Variants in CLCN3 observed in about 807,000 individuals in gnomAD.
CLCN3 encodes the protein Cl-/H+ antiporter 3.
CLCN3 carries 16 observed loss-of-function variants against 83.4 expected under a neutral mutation model. That is an observed-to-expected ratio of 0.19 (90% confidence interval 0.13 to 0.29). CLCN3 has a LOEUF of 0.29. CLCN3 is among the 10% of genes least tolerant of loss of function. The pLI is 1.00. For missense variants in CLCN3, 544 were observed against 1,006.0 expected, an observed-to-expected ratio of 0.54 and a Z score of 6.21; for synonymous variants, 322 against 346.2, an observed-to-expected ratio of 0.93 and a Z score of 0.78.
chr4:169,629,345 TA>T (rs1560825622), intron 1 of CLCN3, among the ~76,000 whole-genome samples: 1 of 152,280 alleles, frequency 6.6e-6, no homozygotes, highest in Admixed American at 6.5e-5. Flanking sequence ...AAAATTTAAT[TA>T]AAAAAATTGA....
chr4:169,704,738 C>A (rs1211556186), intron 10 of CLCN3, among the ~76,000 whole-genome samples: 1 of 152,122 alleles, frequency 6.6e-6, no homozygotes, highest in Non-Finnish European at 1.5e-5. Flanking sequence ...GTACTTGAGT[C>A]TATTTAATGT....
intron 2 of CLCN3, among the ~76,000 whole-genome samples, chr4:169,679,316 C>T (rs986996744): frequency 6.6e-6 from 1 of 151,868 alleles, no homozygotes; most frequent in African/African-American, 2.4e-5. Flanking sequence ...AGACGCTCCT[C>T]ACTTCCTAGA....
In CLCN3 at chr4:169,635,997, T is replaced by C; in HGVS notation, c.69T>C (p.Ser23=). ...RNSYNSITSA[S]SDEELLDGAG... ...GCTACAACAGTATAACAAGTGCAAG[T>C]AGTGATGAGGAACTTTTAGATGGAG... Residue 23 remains serine, a synonymous_variant, in exon 2 of 13, where the codon AGT becomes AGC. Transcript: ENST00000513761. 6.2e-7 allele frequency: 1 copy of C among 1,613,466 alleles called. No homozygotes were observed. Among genetic ancestry groups the C allele is most frequent in the Non-Finnish European group, 8.5e-7 (1 of 1,179,626 alleles).
intron 8 of CLCN3, among the ~76,000 whole-genome samples, chr4:169,696,841 A>T (rs1732582857): frequency 1.3e-5 from 2 of 151,392 alleles, no homozygotes; most frequent in Admixed American, 6.6e-5. Flanking sequence ...TAGAAGAGGC[A>T]AATTAAATGC....
chr4:169,683,378 C>T (rs1457645093), intron 3 of CLCN3, among the ~76,000 whole-genome samples: 5 of 152,132 alleles, frequency 3.3e-5, no homozygotes, highest in Admixed American at 6.5e-5. Flanking sequence ...GCCTATAGTC[C>T]TAGCTACTCG....
chr4:169,678,190 T>C (rs1054827699), intron 2 of CLCN3, among the ~76,000 whole-genome samples: 14 of 152,256 alleles, frequency 9.2e-5, no homozygotes, highest in Admixed American at 3.9e-4. Flanking sequence ...ATTTATCTTT[T>C]ACAAATCATT....
At chr4:169,661,503 A>G (rs1002266214) in intron 2 of CLCN3, among the ~76,000 whole-genome samples, 3 of 152,140 alleles carry the variant, frequency 2.0e-5, no homozygotes, top group Admixed American at 6.6e-5. Flanking sequence ...AATGTATTCA[A>G]CAAATGTCTG....
intron 12 of CLCN3, among the ~76,000 whole-genome samples, chr4:169,717,103 C>G (rs1337327938): frequency 6.6e-6 from 1 of 152,064 alleles, no homozygotes; most frequent in Non-Finnish European, 1.5e-5. Flanking sequence ...GATGTGATAA[C>G]AGTGACATGC....
intron 2 of CLCN3, chr4:169,642,582 G>A (rs10002133): frequency 0.23 from 35,394 of 152,126 alleles, 4,298 homozygotes; most frequent in South Asian, 0.3. Flanking sequence ...CCAGTGGCAC[G>A]ATCTCAGCTC....
At chr4:169,668,162 A>T (rs1731321418) in intron 2 of CLCN3, among the ~76,000 whole-genome samples, 1 of 141,110 alleles carries the variant, frequency 7.1e-6, no homozygotes, top group African/African-American at 2.7e-5. Flanking sequence ...TGTGTGTGAG[A>T]GGGGGTTGTT....
At chr4:169,704,249 G>C in intron 10 of CLCN3, 65 bp downstream of exon 10, 4 of 1,464,972 alleles carry the variant, frequency 2.7e-6, no homozygotes, top group Non-Finnish European at 3.8e-6. Flanking sequence ...GAGAAAGTGG[G>C]ACACATTCTT....
At chr4:169,702,786 A>G (rs200067070) in intron 9 of CLCN3, 1 of 110,760 alleles carries the variant, frequency 9.0e-6, no homozygotes, top group South Asian at 6.0e-5. Context: ...ACAAAAAAAA[A>G]AAAAAAAAAA....
At chr4:169,696,926 T>G (rs902796777) in intron 8 of CLCN3, among the ~76,000 whole-genome samples, 3 of 152,112 alleles carry the variant, frequency 2.0e-5, no homozygotes, top group Non-Finnish European at 2.9e-5. Context: ...TGAAACTCAT[T>G]TTGAATATAA....
At chr4:169,626,431 A>G (rs1470126445) in intron 1 of CLCN3, among the ~76,000 whole-genome samples, 1 of 152,366 alleles carries the variant, frequency 6.6e-6, no homozygotes, top group Admixed American at 6.5e-5. Context: ...AGTATGACCT[A>G]ACAGCACTAA....
chr4:169,720,464 C>G lies in CLCN3; in HGVS notation c.*467C>G, dbSNP rs1362874947. 6.3e-6 allele frequency: 1 copy of G among 158,026 alleles called. No homozygotes were observed. The highest frequency in any genetic ancestry group is 1.4e-5 in the Non-Finnish European group (1 of 72,028). The allele number at this position is 158,026 out of a possible 1,614,324, so 9.8% of individuals were successfully genotyped here. On this transcript the variant is annotated 3_prime_UTR_variant, in exon 13 of 13. Transcript: ENST00000513761. ...GCCCTTTTTTTTAATCAAAACTGTT[C>G]TGTTTAATTCATGAATTGTATAGTT... is the stretch of plus-strand genomic sequence containing the variant.
In CLCN3 at chr4:169,680,296, A is replaced by T. The variant is rs1217411092; in HGVS notation, c.318+89A>T. 5 of 889,038 alleles carry T rather than the reference A, an allele frequency of 5.6e-6. No homozygotes were observed. The Admixed American group carries it at 8.3e-5, about 15-fold the overall frequency. 55.1% of individuals were successfully genotyped at this position (889,038 alleles called of 1,614,324 possible). A position where few individuals can be genotyped will look rare whatever the true frequency, so the allele number is the denominator to read the frequency against. ...TTCTGCCAATGATCTCAGGCTGCCA[A>T]ATGTTTACATTTAATATAAGTAAAT... On this transcript the variant is annotated intron_variant, in intron 3 of 12. Coordinates refer to ENST00000513761, the MANE Select transcript of CLCN3 (RefSeq NM_001829.4).
At chr4:169,688,629 ATAT>A (rs1732250436) in intron 4 of CLCN3, among the ~76,000 whole-genome samples, 1 of 152,282 alleles carries the variant, frequency 6.6e-6, no homozygotes, top group South Asian at 2.1e-4. Context: ...ATTTAAGAAA[ATAT>A]TATTCCTATG....
intron 2 of CLCN3, among the ~76,000 whole-genome samples, chr4:169,662,060 C>G (rs1731076289): frequency 6.6e-6 from 1 of 152,106 alleles, no homozygotes; most frequent in African/African-American, 2.4e-5. Context: ...GCTTAACAGT[C>G]TTTGACAGAA....
intron 2 of CLCN3, among the ~76,000 whole-genome samples, chr4:169,644,415 G>A (rs569279072): frequency 2.6e-5 from 4 of 152,000 alleles, no homozygotes; most frequent in Admixed American, 2.6e-4. Context: ...ACACCACCAC[G>A]CCTGGCTAAT....
Sources: gnomAD v4.1 joint callset for allele counts (sites outside exome capture counted in the v4.1 genomes callset) on GRCh38, gnomAD v4.1.1 for gene constraint, MANE v1.5 for transcripts, NCBI Gene and HGNC (gene_info 2026-07-23, HGNC 2026-07-21) for gene names.